Variants in CCT6B observed in about 807,000 individuals in gnomAD.
CCT6B encodes chaperonin containing TCP1 subunit 6B.
CCT6B carries 49 observed loss-of-function variants against 61.5 expected under a neutral mutation model. That is an observed-to-expected ratio of 0.80 (90% CI 0.63 to 1.01). CCT6B has a LOEUF of 1.01. CCT6B is among the 50% of genes least tolerant of loss of function. The pLI is 0.00. For synonymous variants in CCT6B, 228 were observed against 214.5 expected (o/e 1.06, Z -0.55); for missense variants, 666 against 634.7 (o/e 1.05, Z -0.53).
In CCT6B at chr17:34,958,712, C is replaced by T; in HGVS notation, c.202-18G>A. ...TGAATTTGCTGGAAAAAGCAAGCAA[C>T]AGATTTAAAAAGACAGGATGAGATA... On this transcript the variant is annotated intron_variant, in intron 2 of 13. Transcript: ENST00000314144. The T allele has an allele frequency of 6.3e-7, 1 of 1,577,434 alleles. No individual in the cohort carries two copies. Among genetic ancestry groups the T allele is most frequent in the Non-Finnish European group, 8.6e-7 (1 of 1,162,382 alleles).
intron 5 of CCT6B, chr17:34,949,305 A>T (rs995805745): frequency 5.9e-5 from 9 of 152,110 alleles, no homozygotes; most frequent in African/African-American, 2.2e-4. Context: ...AAAAAAAAAT[A>T]CAAAATTAGC....
intron 1 of CCT6B, among the ~76,000 whole-genome samples, chr17:34,960,684 C>A (rs1229273814): frequency 6.6e-6 from 1 of 152,216 alleles, no homozygotes; most frequent in Non-Finnish European, 1.5e-5. Context: ...TTGTTCATTA[C>A]TATGAGGATG....
At chr17:34,932,111 G>A (rs560523357) in intron 11 of CCT6B, among the ~76,000 whole-genome samples, 1 of 152,202 alleles carries the variant, frequency 6.6e-6, no homozygotes, top group African/African-American at 2.4e-5. Context: ...GGAAATTTTT[G>A]GAGCTGCTTT....
At chr17:34,943,098 C>A (rs923920278) in intron 5 of CCT6B, 192 bp from the exon 6 acceptor site, 17 of 468,920 alleles carry the variant, frequency 3.6e-5, no homozygotes, top group Non-Finnish European at 1.5e-5. Flanking sequence ...TCCAGGCTGG[C>A]CACGAACTCC....
chr17:34,953,181 G>C (rs944160865), intron 4 of CCT6B, among the ~76,000 whole-genome samples: 5 of 151,746 alleles, frequency 3.3e-5, no homozygotes, highest in African/African-American at 1.2e-4. Flanking sequence ...TGTTTCCTAA[G>C]AATTTATCAT....
At chr17:34,944,702 G>A (rs1010378130) in intron 5 of CCT6B, among the ~76,000 whole-genome samples, 3 of 152,332 alleles carry the variant, frequency 2.0e-5, no homozygotes, top group Non-Finnish European at 2.9e-5. Flanking sequence ...CGAGGCAGGC[G>A]GATCATGAGG....
chr17:34,958,647 A>T lies in CCT6B; in HGVS notation c.249T>A (p.Ala83=). Residue 83 remains alanine (A), a synonymous_variant, in exon 3 of 14, where the codon GCT becomes GCA. Transcript: ENST00000314144. ...TACCATCTCCTGTGACGTCATCCTG[A>T]GCTGTTGCTACTTTTGCTATCAAGG... is the stretch of plus-strand genomic sequence containing the variant. The part of the protein sequence containing the change: ...TASLIAKVAT[A]QDDVTGDGTT... The T allele has an allele frequency of 6.2e-7, 1 of 1,603,252 alleles. No homozygotes were observed. Among genetic ancestry groups the T allele is most frequent in the Admixed American group, 1.7e-5 (1 of 58,550 alleles).
At position 34,961,457 on chromosome 17, in the gene CCT6B, A is replaced by G; in HGVS notation, c.-64T>C. ...GTCGCGATTCTGAGCAAAAACGGCA[A>G]TGCGACGCCACGCTCTCTTGAGCCT... On this transcript the variant is annotated 5_prime_UTR_variant, in exon 1 of 14. Transcript: ENST00000314144. 1 of 1,562,840 alleles carries G rather than the reference A, an allele frequency of 6.4e-7. No individual in the cohort carries two copies. The highest frequency in any genetic ancestry group is 8.6e-7 in the Non-Finnish European group (1 of 1,157,612).
At chr17:34,945,525 C>T (rs61169582) in intron 5 of CCT6B, among the ~76,000 whole-genome samples, 142 of 152,318 alleles carry the variant, frequency 9.3e-4, no homozygotes, top group African/African-American at 3.2e-3. Flanking sequence ...GAACCCTCAA[C>T]AAATCCTATT....
At chr17:34,935,579 G>T (rs2090084666) in intron 10 of CCT6B, among the ~76,000 whole-genome samples, 1 of 152,088 alleles carries the variant, frequency 6.6e-6, no homozygotes, top group Non-Finnish European at 1.5e-5. Flanking sequence ...ACGAGGGCTG[G>T]GTGCAGTGGC....
At chr17:34,936,722 G>A (rs1390247710) in intron 10 of CCT6B, among the ~76,000 whole-genome samples, 1 of 152,094 alleles carries the variant, frequency 6.6e-6, no homozygotes, top group Non-Finnish European at 1.5e-5. Context: ...AAAAGTATGT[G>A]AGGCTCATAT....
chr17:34,930,437 A>G (rs1179990963), intron 12 of CCT6B, among the ~76,000 whole-genome samples: 1 of 151,964 alleles, frequency 6.6e-6, no homozygotes, highest in Admixed American at 6.6e-5. Flanking sequence ...TGGCTTTTCC[A>G]CTGGCTGTTC....
chr17:34,938,535 G>C (rs758302544), intron 10 of CCT6B, among the ~76,000 whole-genome samples: 16 of 152,094 alleles, frequency 1.1e-4, no homozygotes, highest in Admixed American at 2.0e-4. Context: ...TAGCCTGGGT[G>C]ACAGAGCAAG....
intron 4 of CCT6B, among the ~76,000 whole-genome samples, chr17:34,953,343 T>TATATA (rs1439709336): frequency 5.9e-4 from 80 of 134,514 alleles, no homozygotes; most frequent in Middle Eastern, 4.0e-3. Flanking sequence ...ATATATATAT[T>TATATA]TTTTTGAGAC....
chr17:34,950,790 GTGGTGCCACAC>G (rs1362289270), intron 5 of CCT6B, among the ~76,000 whole-genome samples: 4 of 152,020 alleles, frequency 2.6e-5, no homozygotes, highest in African/African-American at 9.7e-5. Flanking sequence ...TTAGGCAGGC[GTGGTGCCACAC>G]ACCTGTAGTC....
intron 5 of CCT6B, among the ~76,000 whole-genome samples, chr17:34,947,648 A>C (rs754174073): frequency 1.6e-4 from 25 of 152,208 alleles, no homozygotes; most frequent in Non-Finnish European, 3.4e-4. Flanking sequence ...AACTTTAGGC[A>C]GAAGAAAAGG....
In CCT6B at chr17:34,929,030, C is replaced by T. The variant is rs139312682; in HGVS notation, c.1455G>A (p.Glu485=). The T allele has an allele frequency of 2.3e-4, 363 of 1,603,188 alleles. No individual in the cohort carries two copies. Among genetic ancestry groups the T allele is most frequent in the Non-Finnish European group, 2.9e-4 (339 of 1,172,104 alleles). ...CTCCTGCATCTGCTGCTACCATTGG[C>T]TCACCTGAAAAGTAAAAACAATTTT... ...QLVGVDLNTG[E]PMVAADAGVW... The change falls in exon 13 of 14, where the codon GAG becomes GAA. Residue 485 remains glutamate, a synonymous_variant. Transcript: ENST00000314144.
intron 3 of CCT6B, among the ~76,000 whole-genome samples, chr17:34,956,303 T>C (rs2090346806): frequency 6.6e-6 from 1 of 152,174 alleles, no homozygotes; most frequent in Non-Finnish European, 1.5e-5. Context: ...TCCTTCTGCC[T>C]GGAAAGCCAT....
intron 10 of CCT6B, among the ~76,000 whole-genome samples, chr17:34,936,227 G>T (rs1386681054): frequency 1.3e-5 from 2 of 152,116 alleles, no homozygotes. Flanking sequence ...GGAATTACAG[G>T]TGTGAGCCAC....
Sources: allele counts gnomAD v4.1 joint callset (sites outside exome capture counted in the v4.1 genomes callset), GRCh38; gene constraint gnomAD v4.1.1; transcripts MANE v1.5; gene names NCBI Gene and HGNC (gene_info 2026-07-23, HGNC 2026-07-21).